The following ERCC3 variants were observed in gnomAD, a reference collection of about 807,000 sequenced individuals.
ERCC3 encodes ERCC excision repair 3, TFIIH core complex helicase subunit.
Under a neutral mutation model 94.2 loss-of-function variants are expected in ERCC3, and 66 were observed. The observed-to-expected ratio is 0.70, with a 90% CI of 0.57 to 0.86. The LOEUF is 0.86. ERCC3 is among the 40% of genes least tolerant of loss of function. ERCC3 has a pLI of 0.00. For synonymous variants in ERCC3, 349 were observed against 369.1 expected (o/e 0.95, Z 0.63); for missense variants, 829 against 987.1 (o/e 0.84, Z 2.15).
At chr2:127,287,106 A>G in intron 7 of ERCC3, 89 bp from the exon 8 acceptor site, 1 of 1,008,878 alleles carries the variant, frequency 9.9e-7, no homozygotes, top group Non-Finnish European at 1.5e-6. Flanking sequence ...ACAGCAATCT[A>G]GGAAAATGTC....
At chr2:127,292,906 CTCTT>C in intron 2 of ERCC3, 60 bp from the exon 3 acceptor site, 1 of 1,066,608 alleles carries the variant, frequency 9.4e-7, no homozygotes, top group African/African-American at 1.5e-5. Flanking sequence ...GACTACTGGG[CTCTT>C]GCCCATATCA....
At chr2:127,282,515 C>A (rs1021031338) in intron 8 of ERCC3, among the ~76,000 whole-genome samples, 1 of 152,210 alleles carries the variant, frequency 6.6e-6, no homozygotes, top group Non-Finnish European at 1.5e-5. Context: ...AAAGGCATAA[C>A]AGAGCTCCTT....
Position 127,259,387 on chromosome 2 carries a change from T to G in ERCC3, c.2126A>C (p.Gln709Pro). ...CAGGACTTTCTGTAAGAGCTGCTGT[T>G]GCTCTTCTTTTGTCGAAAACGCCAA... ...EDLAFSTKEE[Q>P]QQLLQKVLAA... Residue 709 changes from glutamine (Q) to proline (P), a missense_variant, in exon 14 of 15, where the codon CAA becomes CCA. Coordinates refer to ENST00000285398, the MANE Select transcript of ERCC3 (RefSeq NM_000122.2). This position sits in a 1 kb window ranked among gnomAD's most constrained non-coding sequence, Gnocchi z 4.9. 6.2e-7 allele frequency: 1 copy of G among 1,614,208 alleles called. No individual in the cohort carries two copies. The highest frequency in any genetic ancestry group is 8.5e-7 in the Non-Finnish European group (1 of 1,180,024).
At position 127,257,686 on chromosome 2, in the gene ERCC3, G is replaced by A. The variant is rs751002614; in HGVS notation, c.2259C>T (p.Ala753=). ...GGTACTCCATGTACACAGTGTCGTCGGCCCCAGACATAGAACTCATGGTGC... is the reference window on the plus strand; with the variant it reads ...GGTACTCCATGTACACAGTGTCGTCAGCCCCAGACATAGAACTCATGGTGC... ...RFGTMSSMSG[A]DDTVYMEYHS... Residue 753 remains alanine, a synonymous_variant, in exon 15 of 15, where the codon GCC becomes GCT. Transcript: ENST00000285398. The surrounding 1 kb of genome is among the most constrained non-coding windows in gnomAD (Gnocchi z 5.4). 34 of 1,614,012 alleles carry A rather than the reference G, an allele frequency of 2.1e-5. No homozygotes were observed. Among genetic ancestry groups the A allele is most frequent in the South Asian group, 4.4e-5 (4 of 91,086 alleles).
In ERCC3 at chr2:127,259,573, CA is replaced by C; in HGVS notation, c.2065-126del. ...CAGGCCCAGCCACCCTGGTGGCCAA[CA>C]ATGGAGAGCTCCTCCCTAGCATTCC... On this transcript the variant is annotated intron_variant, in intron 13 of 14. Coordinates refer to ENST00000285398, the MANE Select transcript of ERCC3 (RefSeq NM_000122.2). This position sits in a 1 kb window ranked among gnomAD's most constrained non-coding sequence, Gnocchi z 4.9. The C allele has an allele frequency of 8.2e-7, 1 of 1,214,978 alleles. No individual in the cohort carries two copies. The highest frequency in any genetic ancestry group is 1.2e-5 in the South Asian group (1 of 82,700). 75.3% of individuals were successfully genotyped at this position (1,214,978 alleles called of 1,614,324 possible).
rs778865255 is a variant in ERCC3 at position 127,286,924 on chromosome 2, C to CACTGCT, written c.1115_1120dup (p.Gln373_Trp374insTer). On this transcript the variant is annotated stop_gained, in exon 8 of 15. Coordinates refer to ENST00000285398, the MANE Select transcript of ERCC3 (RefSeq NM_000122.2). LOFTEE classifies it high-confidence loss of function. ...GGACCACATCTTGAACTGGGCTTTCCACTGCTCCACAGAAACAGCTGAGTT... is the reference window on the plus strand; with the variant it reads ...GGACCACATCTTGAACTGGGCTTTCCACTGCTACTGCTCCACAGAAACAGCTGAGTT... The CACTGCT allele has an allele frequency of 9.0e-5, 145 of 1,614,090 alleles. No individual in the cohort carries two copies. Among genetic ancestry groups the CACTGCT allele is most frequent in the Non-Finnish European group, 1.2e-4 (139 of 1,180,044 alleles).
intron 12 of ERCC3, among the ~76,000 whole-genome samples, chr2:127,270,654 T>C (rs1316389804): frequency 6.6e-6 from 1 of 152,208 alleles, no homozygotes; most frequent in Non-Finnish European, 1.5e-5. Context: ...GGATAGGGCT[T>C]GTGTCCTTGT....
chr2:127,281,458 G>T (rs1684908321), intron 8 of ERCC3, among the ~76,000 whole-genome samples: 1 of 151,974 alleles, frequency 6.6e-6, no homozygotes, highest in Non-Finnish European at 1.5e-5. Flanking sequence ...ACACATAAAG[G>T]GTATGAGTTA....
Position 127,259,972 on chromosome 2 carries a change from A to G in ERCC3, c.2065-524T>C, listed in dbSNP as rs191122505. 2.3e-3 allele frequency: 409 copies of G among 178,668 alleles called. No individual in the cohort carries two copies. The highest frequency in any genetic ancestry group is 3.9e-3 in the Non-Finnish European group (326 of 82,776). The allele number at this position is 178,668 out of a possible 1,614,324, so 11.1% of individuals were successfully genotyped here. A position where few individuals can be genotyped will look rare whatever the true frequency, so the allele number is the denominator to read the frequency against. On this transcript the variant is annotated intron_variant, in intron 13 of 14. Coordinates refer to ENST00000285398, the MANE Select transcript of ERCC3 (RefSeq NM_000122.2). The surrounding 1 kb of genome is among the most constrained non-coding windows in gnomAD (Gnocchi z 4.9). ...AGAGAGTAAGAACAGCATGGTGGAG[A>G]CTGGGTTTTCATTTCTATGGGGATA...
chr2:127,286,559 A>T, intron 8 of ERCC3, 144 bp downstream of exon 8: 1 of 740,014 alleles, frequency 1.4e-6, no homozygotes, highest in Non-Finnish European at 2.3e-6. Context: ...AAAAAAAAAA[A>T]GAACTATTAA....
At chr2:127,290,569 C>A in intron 3 of ERCC3, 1 of 467,510 alleles carries the variant, frequency 2.1e-6, no homozygotes, top group African/African-American at 2.0e-5. Context: ...ACAGCCCCCA[C>A]CCTAGTCTAG....
chr2:127,279,144 GGAGGAA>G lies in ERCC3; in HGVS notation c.1730+23_1730+28del, dbSNP rs760323109. 3 of 1,504,336 alleles carry G rather than the reference GGAGGAA, an allele frequency of 2.0e-6. No homozygotes were observed. The African/African-American group carries it at 4.1e-5, about 21-fold the overall frequency. The allele number at this position is 1,504,336 out of a possible 1,614,324, so 93.2% of individuals were successfully genotyped here. A position where few individuals can be genotyped will look rare whatever the true frequency, so the allele number is the denominator to read the frequency against. On this transcript the variant is annotated intron_variant, in intron 10 of 14. Transcript: ENST00000285398. This position sits in a 1 kb window ranked among gnomAD's most constrained non-coding sequence, Gnocchi z 4.7. The stretch of plus-strand genomic sequence containing the variant: ...CTCAATGGGGAAGAGAAACTGGCCT[GGAGGAA>G]GCTCCAAGTTTTCAATTCTTACTTG...
At chr2:127,292,400 A>G (rs1159908237) in intron 3 of ERCC3, 2 of 635,220 alleles carry the variant, frequency 3.1e-6, no homozygotes, top group Non-Finnish European at 5.7e-6. Flanking sequence ...TGCTGGATCC[A>G]GAGTGTAGCG....
At chr2:127,281,895 T>A (rs141176206) in intron 8 of ERCC3, among the ~76,000 whole-genome samples, 1 of 151,972 alleles carries the variant, frequency 6.6e-6, no homozygotes, top group Non-Finnish European at 1.5e-5. Context: ...TAGAGGGAAA[T>A]GGTAGTCAAG....
At position 127,279,231 on chromosome 2, in the gene ERCC3, TC is replaced by T. The variant is rs1279429014; in HGVS notation, c.1671del (p.Ile558LeufsTer11). The T allele has an allele frequency of 6.2e-7, 1 of 1,613,846 alleles. No homozygotes were observed. On this transcript the variant is annotated frameshift_variant, in exon 10 of 15. Coordinates refer to ENST00000285398, the MANE Select transcript of ERCC3 (RefSeq NM_000122.2). LOFTEE classifies it high-confidence loss of function. The surrounding 1 kb of genome is among the most constrained non-coding windows in gnomAD (Gnocchi z 4.7). ...AACACATTGTCAGCAAAGACAATAA[TC>T]TTGTCATTCCTCCTTTCATGAAACT... The part of the protein sequence containing the change: ...LIKFHERRND[K>X]IIVFADNVFA...
At chr2:127,293,901 C>T in intron 1 of ERCC3, 153 bp downstream of exon 1, 1 of 1,524,378 alleles carries the variant, frequency 6.6e-7, no homozygotes, top group East Asian at 2.4e-5. Flanking sequence ...CCAGGTCCAG[C>T]ATCTCTCCCG....
Position 127,259,485 on chromosome 2 carries a change from C to T in ERCC3, c.2065-37G>A, listed in dbSNP as rs1202531091. On this transcript the variant is annotated intron_variant, in intron 13 of 14. Transcript: ENST00000285398. The surrounding 1 kb of genome is among the most constrained non-coding windows in gnomAD (Gnocchi z 4.9). ...AAGCCAGCAGACATGCCCCTTTCTG[C>T]TCTCTCTCCCCAGCCCTCCTCTGCC... 2 of 1,613,166 alleles carry T rather than the reference C, an allele frequency of 1.2e-6. No homozygotes were observed. The highest frequency in any genetic ancestry group is 2.2e-5 in the East Asian group (1 of 44,874).
intron 3 of ERCC3, chr2:127,290,941 G>A: frequency 6.5e-6 from 1 of 153,230 alleles, no homozygotes; most frequent in Non-Finnish European, 1.5e-5. Context: ...AATTAGCCGG[G>A]CATGGTGACG....
rs1282612540 is a variant in ERCC3 at position 127,291,124 on chromosome 2, G to A, written c.472-851C>T. Among the ~76,000 whole-genome samples the A allele has an allele frequency of 6.6e-6, 1 of 152,038 alleles. No individual in the cohort carries two copies. The highest frequency in any genetic ancestry group is 1.5e-5 in the Non-Finnish European group (1 of 68,008). On this transcript the variant is annotated intron_variant, in intron 3 of 14. Coordinates refer to ENST00000285398, the MANE Select transcript of ERCC3 (RefSeq NM_000122.2). This position sits in a 1 kb window ranked among gnomAD's most constrained non-coding sequence, Gnocchi z 4.9. Reference sequence around the variant, plus strand: ...AAATTTGCCAGTCAGACTTTGAGGGGCTGCCTATCCCCGCTGTTGTCCCTG... The same window carrying A: ...AAATTTGCCAGTCAGACTTTGAGGGACTGCCTATCCCCGCTGTTGTCCCTG...
Sources: gnomAD v4.1 joint callset for allele counts (sites outside exome capture counted in the v4.1 genomes callset) on GRCh38, gnomAD v4.1.1 for gene constraint, Gnocchi (gnomAD v3.1) non-coding constraint, MANE v1.5 for transcripts, NCBI Gene and HGNC (gene_info 2026-07-23, HGNC 2026-07-21) for gene names.